Variants in TPTE observed in about 807,000 individuals in gnomAD.
TPTE encodes the protein transmembrane phosphatase with tensin homology, also known as putative tyrosine-protein phosphatase TPTE.
In TPTE, 59 loss-of-function variants were observed where a neutral mutation model predicts 84.1. That is an observed-to-expected ratio of 0.70 (90% CI 0.57 to 0.87). TPTE has a LOEUF of 0.87. Ranked by LOEUF, TPTE falls within the 40% of genes least tolerant of loss-of-function variation. The pLI is 0.00. For synonymous variants in TPTE, 130 were observed against 223.5 expected (o/e 0.58, Z 3.73); for missense variants, 382 against 659.6 (o/e 0.58, Z 4.61).
intron 3 of TPTE, among the ~76,000 whole-genome samples, chr21:10,534,766 A>C (rs529956556): frequency 1.7e-3 from 256 of 152,272 alleles, no homozygotes; most frequent in Admixed American, 0.015. Flanking sequence ...CAGCTTCTGT[A>C]TGTAACATCC....
chr21:10,546,072 T>G (rs1211761112), intron 7 of TPTE, among the ~76,000 whole-genome samples: 5 of 152,304 alleles, frequency 3.3e-5, no homozygotes, highest in Non-Finnish European at 7.3e-5. Context: ...ATTACTTTTT[T>G]GTAAACTGAA....
At chr21:10,580,388 G>GT (rs2075251023) in intron 17 of TPTE, among the ~76,000 whole-genome samples, 2 of 152,310 alleles carry the variant, frequency 1.3e-5, no homozygotes, top group South Asian at 4.1e-4. Context: ...TTTTTCTTTC[G>GT]TTGCCTATGC....
intron 5 of TPTE, among the ~76,000 whole-genome samples, 186 bp downstream of exon 5, chr21:10,541,351 A>G (rs1471095194): frequency 6.6e-6 from 1 of 152,304 alleles, no homozygotes; most frequent in Non-Finnish European, 1.5e-5. Flanking sequence ...AGGTGCCTCT[A>G]ATCCCAGCTA....
chr21:10,558,412 CTGT>C (rs1481685769), intron 8 of TPTE, among the ~76,000 whole-genome samples: 2 of 152,312 alleles, frequency 1.3e-5, no homozygotes, highest in Admixed American at 1.3e-4. Context: ...TTGCCCGCAT[CTGT>C]TATTTTTTGA....
rs547979475 is a variant in TPTE, at chr21:10,557,207, T to C, written c.234-2287T>C. On this transcript the variant is annotated intron_variant, in intron 8 of 23. Transcript: ENST00000618007. ...AGGCTATGCTTCGTGTTGCTTCATG[T>C]TGGAGTGTCTGTCTGTTGCTCCCGA... Among the ~76,000 whole-genome samples, 6 of 152,424 alleles carry C rather than the reference T, an allele frequency of 3.9e-5. No individual in the cohort carries two copies. The East Asian group carries it at 1.2e-3, about 29-fold the overall frequency.
At chr21:10,523,629 A>G (rs1326511845) in intron 1 of TPTE, among the ~76,000 whole-genome samples, 5 of 152,352 alleles carry the variant, frequency 3.3e-5, no homozygotes, top group African/African-American at 9.6e-5. Context: ...ACATGAACTC[A>G]TCATTTTTTA....
chr21:10,542,480 G>A lies in TPTE; in HGVS notation c.119+32G>A, dbSNP rs374519273. On this transcript the variant is annotated intron_variant, in intron 6 of 23. Transcript: ENST00000618007. ...AATAAATAGTTAAAGTCACCCGTCA[G>A]CATAAGTGTGCATAGAACTATACAC... 236 of 1,605,670 alleles carry A rather than the reference G, an allele frequency of 1.5e-4. No individual in the cohort carries two copies. The African/African-American group carries it at 2.7e-3, about 18-fold the overall frequency.
At chr21:10,574,553 A>G (rs1412982736) in intron 14 of TPTE, among the ~76,000 whole-genome samples, 2 of 152,312 alleles carry the variant, frequency 1.3e-5, no homozygotes, top group African/African-American at 2.4e-5. Context: ...AAGAGGAATG[A>G]AAAGGGGCGA....
intron 7 of TPTE, among the ~76,000 whole-genome samples, chr21:10,547,150 C>T (rs1472194780): frequency 1.3e-5 from 2 of 152,310 alleles, no homozygotes; most frequent in African/African-American, 4.8e-5. Flanking sequence ...TTCTGAAAAT[C>T]CTGGGGCCCG....
At chr21:10,547,045 A>G (rs1367031808) in intron 7 of TPTE, among the ~76,000 whole-genome samples, 1 of 152,306 alleles carries the variant, frequency 6.6e-6, no homozygotes, top group African/African-American at 2.4e-5. Flanking sequence ...GGAGAAGTCA[A>G]CGCATGGTTT....
intron 3 of TPTE, among the ~76,000 whole-genome samples, chr21:10,536,294 G>T (rs1331372245): frequency 1.3e-5 from 2 of 152,310 alleles, no homozygotes; most frequent in African/African-American, 4.8e-5. Context: ...GATACACCTA[G>T]TTCAAATTAG....
At chr21:10,527,581 C>G (rs1205946251) in intron 3 of TPTE, among the ~76,000 whole-genome samples, 169 bp downstream of exon 3, 2 of 152,308 alleles carry the variant, frequency 1.3e-5, no homozygotes, top group Non-Finnish European at 2.9e-5. Flanking sequence ...GTTTGTGACT[C>G]TAAGTAATTA....
At chr21:10,524,286 G>A (rs2074040569) in intron 1 of TPTE, among the ~76,000 whole-genome samples, 3 of 152,422 alleles carry the variant, frequency 2.0e-5, no homozygotes, top group South Asian at 2.1e-4. Flanking sequence ...TGGTCTCTGC[G>A]GCCCATAGAC....
At chr21:10,595,096 G>A (rs531988546) in intron 19 of TPTE, among the ~76,000 whole-genome samples, 1 of 152,310 alleles carries the variant, frequency 6.6e-6, no homozygotes, top group Non-Finnish European at 1.5e-5. Context: ...AGACTAGAGT[G>A]CAGTGGTGCA....
At position 10,570,564 on chromosome 21, in the gene TPTE, C is replaced by G. The variant is rs755987321; in HGVS notation, c.795+15C>G. ...ATCCAATCAAGGTAAGGGTCTTTAT[C>G]TGACAAATACTCATTTCTTAGTGAA... On this transcript the variant is annotated intron_variant, in intron 14 of 23. Coordinates refer to ENST00000618007, the MANE Select transcript of TPTE (RefSeq NM_199261.4). The G allele has an allele frequency of 1.2e-6, 2 of 1,613,976 alleles. No individual in the cohort carries two copies. Among genetic ancestry groups the G allele is most frequent in the Non-Finnish European group, 1.7e-6 (2 of 1,179,844 alleles).
chr21:10,598,947 C>T (rs1385064761), intron 21 of TPTE, among the ~76,000 whole-genome samples: 145 of 152,168 alleles, frequency 9.5e-4, no homozygotes, highest in Non-Finnish European at 1.6e-3. Context: ...TTAGCAAATA[C>T]TTTACTCTTA....
chr21:10,530,418 CTA>C (rs1568951717), intron 3 of TPTE, among the ~76,000 whole-genome samples: 2 of 152,310 alleles, frequency 1.3e-5, no homozygotes. Context: ...ATTGTTTTGC[CTA>C]TATGTTTTTA....
chr21:10,548,560 CTAGAA>C (rs2074514753), intron 7 of TPTE, among the ~76,000 whole-genome samples: 1 of 152,296 alleles, frequency 6.6e-6, no homozygotes, highest in African/African-American at 2.4e-5. Flanking sequence ...ACATCCTGAG[CTAGAA>C]TAGCTCTATG....
chr21:10,530,516 TC>T (rs1488649641), intron 3 of TPTE, among the ~76,000 whole-genome samples: 3 of 152,312 alleles, frequency 2.0e-5, no homozygotes, highest in Non-Finnish European at 2.9e-5. Context: ...TGCATACCTT[TC>T]GTTGTTGCTT....
Sources: gnomAD v4.1 joint callset for allele counts (sites outside exome capture counted in the v4.1 genomes callset) on GRCh38, gnomAD v4.1.1 for gene constraint, MANE v1.5 for transcripts, NCBI Gene and HGNC (gene_info 2026-07-23, HGNC 2026-07-21) for gene names.